Variants in ANKIB1 observed in about 807,000 individuals in gnomAD.
The protein encoded by ANKIB1 is ankyrin repeat and IBR domain containing 1.
In ANKIB1, 43 loss-of-function variants were observed where a neutral mutation model predicts 122.1. The observed-to-expected ratio is 0.35, with a 90% confidence interval of 0.28 to 0.45. ANKIB1 has a LOEUF of 0.45. Among genes scored for constraint, ANKIB1 ranks in the 20% least tolerant of loss-of-function variants. The probability of loss-of-function intolerance (pLI) is 1.00; values close to 1 mark genes in which losing one functional copy is unlikely to be tolerated. For synonymous variants in ANKIB1, 390 were observed against 442.0 expected, an observed-to-expected ratio of 0.88 and a Z score of 1.48; for missense variants, 992 against 1,329.5, an observed-to-expected ratio of 0.75 and a Z score of 3.95.
chr7:92,289,354 TGTA>T (rs901587506), intron 1 of ANKIB1, among the ~76,000 whole-genome samples: 7 of 152,318 alleles, frequency 4.6e-5, no homozygotes, highest in East Asian at 1.9e-4. Flanking sequence ...ACTCCATAAA[TGTA>T]GTGATTTTTA....
chr7:92,327,884 T>G lies in ANKIB1; in HGVS notation c.771T>G (p.Ala257=), dbSNP rs1803061020. ...AGGCTCCTCTCTTTACTGCTGAAGC[T>G]TTACTTCGAGCTCATGGTAATGAAA... is the stretch of plus-strand genomic sequence containing the variant. ...MLQAPLFTAE[A]LLRAHDWDRE... is the part of the protein sequence containing the mutation. Residue 257 remains alanine (A), a synonymous_variant, in exon 5 of 20, where the codon GCT becomes GCG. Coordinates refer to ENST00000265742, the MANE Select transcript of ANKIB1 (RefSeq NM_019004.2). 2.5e-6 allele frequency: 4 copies of G among 1,584,620 alleles called. No individual in the cohort carries two copies. Among genetic ancestry groups the G allele is most frequent in the Non-Finnish European group, 3.4e-6 (4 of 1,169,716 alleles).
At chr7:92,338,672 G>A (rs1213730079) in intron 5 of ANKIB1, among the ~76,000 whole-genome samples, 1 of 151,238 alleles carries the variant, frequency 6.6e-6, no homozygotes, top group Non-Finnish European at 1.5e-5. Flanking sequence ...AGCACTTTGG[G>A]AGGCCAAGGC....
chr7:92,342,414 A>C (rs1044007055), intron 5 of ANKIB1, among the ~76,000 whole-genome samples: 6 of 152,306 alleles, frequency 3.9e-5, no homozygotes, highest in Admixed American at 3.3e-4. Context: ...TTTACTTGGC[A>C]ATTTTTAAAA....
intron 11 of ANKIB1, among the ~76,000 whole-genome samples, chr7:92,378,035 G>A (rs1220517502): frequency 1.3e-5 from 2 of 152,134 alleles, no homozygotes; most frequent in Non-Finnish European, 2.9e-5. Flanking sequence ...ACTTAAAAGT[G>A]TGGATTATTC....
chr7:92,307,541 A>G lies in ANKIB1; in HGVS notation c.371A>G (p.Lys124Arg), dbSNP rs1802587905. 1.2e-6 allele frequency: 2 copies of G among 1,613,766 alleles called. No homozygotes were observed. The highest frequency in any genetic ancestry group is 2.7e-5 in the African/African-American group (2 of 74,926). The change falls in exon 3 of 20, where the codon AAA (lysine) becomes AGA (arginine). Residue 124 changes from lysine to arginine, a missense_variant. This residue lies in a region of ANKIB1 where 521 missense variants were observed against 777.7 expected (regional missense o/e 0.67). Coordinates refer to ENST00000265742, the MANE Select transcript of ANKIB1 (RefSeq NM_019004.2). ...TGTCTGCAGATGATCTTAAAATGGAAAGGAGCAAAACTTGACCAGGGTGAA... is the reference window on the plus strand; with the variant it reads ...TGTCTGCAGATGATCTTAAAATGGAGAGGAGCAAAACTTGACCAGGGTGAA... ...ADCLQMILKW[K>R]GAKLDQGEYE...
At chr7:92,337,661 T>A (rs1010386065) in intron 5 of ANKIB1, among the ~76,000 whole-genome samples, 4 of 152,198 alleles carry the variant, frequency 2.6e-5, no homozygotes, top group African/African-American at 9.6e-5. Flanking sequence ...CTTTCAGGAT[T>A]CTCTTTGTCA....
intron 1 of ANKIB1, among the ~76,000 whole-genome samples, chr7:92,265,697 C>G (rs1428203489): frequency 1.3e-5 from 2 of 152,134 alleles, no homozygotes; most frequent in Non-Finnish European, 2.9e-5. Flanking sequence ...AAGGTTTGGT[C>G]ATATTCATAG....
intron 9 of ANKIB1, among the ~76,000 whole-genome samples, chr7:92,353,142 T>A (rs1389082147): frequency 6.6e-6 from 1 of 152,216 alleles, no homozygotes; most frequent in African/African-American, 2.4e-5. Context: ...AAATTTTATC[T>A]TGGGCCCTAA....
At chr7:92,270,364 C>G (rs1801761468) in intron 1 of ANKIB1, among the ~76,000 whole-genome samples, 1 of 152,044 alleles carries the variant, frequency 6.6e-6, no homozygotes, top group African/African-American at 2.4e-5. Context: ...CACCTGGCCT[C>G]CAGTCATTTT....
At chr7:92,386,430 C>A in intron 11 of ANKIB1, 79 bp from the exon 12 acceptor site, 4 of 1,375,066 alleles carry the variant, frequency 2.9e-6, no homozygotes, top group Non-Finnish European at 2.9e-6. Flanking sequence ...TTAATCTTTA[C>A]AGATTGGTTG....
intron 1 of ANKIB1, among the ~76,000 whole-genome samples, chr7:92,256,401 A>T (rs1801446796): frequency 6.6e-6 from 1 of 152,248 alleles, no homozygotes; most frequent in African/African-American, 2.4e-5. Flanking sequence ...AGGGCCACCT[A>T]TTAAGGAGTT....
Position 92,246,286 on chromosome 7 carries a change from G to C in ANKIB1, c.-324G>C. 1 of 404,344 alleles carries C rather than the reference G, an allele frequency of 2.5e-6. No homozygotes were observed. The highest frequency in any genetic ancestry group is 4.8e-6 in the Non-Finnish European group (1 of 207,676). 25.0% of individuals were successfully genotyped at this position (404,344 alleles called of 1,614,324 possible). A position where few individuals can be genotyped will look rare whatever the true frequency, so the allele number is the denominator to read the frequency against. On this transcript the variant is annotated 5_prime_UTR_variant, in exon 1 of 20. Coordinates refer to ENST00000265742, the MANE Select transcript of ANKIB1 (RefSeq NM_019004.2). ...GCCCACCCAGTCTGAGCCTCGCCGC[G>C]GGCGCCTTCGGCTCACGCAGCGCTT...
intron 2 of ANKIB1, among the ~76,000 whole-genome samples, chr7:92,296,130 T>C (rs1314921435): frequency 6.6e-6 from 1 of 152,132 alleles, no homozygotes; most frequent in Non-Finnish European, 1.5e-5. Flanking sequence ...CTCCAAAACA[T>C]GCCGTGAGGT....
intron 11 of ANKIB1, among the ~76,000 whole-genome samples, chr7:92,380,222 C>T (rs540370199): frequency 1.3e-5 from 2 of 152,292 alleles, no homozygotes; most frequent in East Asian, 1.9e-4. Context: ...GTAAACAAAA[C>T]GGCTGGGAAG....
At chr7:92,270,986 C>A (rs1252674052) in intron 1 of ANKIB1, among the ~76,000 whole-genome samples, 1 of 151,702 alleles carries the variant, frequency 6.6e-6, no homozygotes, top group African/African-American at 2.4e-5. Flanking sequence ...CAATTTTTTT[C>A]TTTTATAGAT....
At chr7:92,325,574 T>G (rs138683885) in intron 4 of ANKIB1, among the ~76,000 whole-genome samples, 9 of 152,214 alleles carry the variant, frequency 5.9e-5, no homozygotes, top group Admixed American at 5.2e-4. Flanking sequence ...CCTGAACATC[T>G]AAACATCTTT....
Position 92,343,049 on chromosome 7 carries a change from A to C in ANKIB1, c.813A>C (p.Glu271Asp). The change falls in exon 6 of 20, where the codon GAA becomes GAC. Residue 271 changes from glutamate (E) to aspartate (D), a missense_variant. Glu to Asp is a conservative substitution (Grantham distance 45, BLOSUM62 2). Coordinates refer to ENST00000265742, the MANE Select transcript of ANKIB1 (RefSeq NM_019004.2). Reference protein sequence around the residue: ...AHDWDREKLLEAWMSNPENCC... With the variant: ...AHDWDREKLLDAWMSNPENCC... ...ACTGGGACAGGGAGAAATTACTTGAAGCTTGGATGTCCAACCCGGAGAACT... is the reference window on the plus strand; with the variant it reads ...ACTGGGACAGGGAGAAATTACTTGACGCTTGGATGTCCAACCCGGAGAACT... 1 of 1,613,918 alleles carries C rather than the reference A, an allele frequency of 6.2e-7. No individual in the cohort carries two copies. Among genetic ancestry groups the C allele is most frequent in the Non-Finnish European group, 8.5e-7 (1 of 1,179,852 alleles).
Position 92,398,711 on chromosome 7 carries a change from T to C in ANKIB1, c.3032T>C (p.Val1011Ala), listed in dbSNP as rs376613950. The change falls in exon 20 of 20, where the codon GTG becomes GCG. Residue 1011 changes from valine (V) to alanine (A), a missense_variant. By Grantham distance (64) the Val-to-Ala change is moderately conservative. Transcript: ENST00000265742. The stretch of plus-strand genomic sequence containing the variant: ...TGTATCAAAGATGGGTCAGAAGGTG[T>C]GAAGGATGTGGAACTGGTGCTGCCA... ...LPCIKDGSEG[V>A]KDVELVLPED... The C allele has an allele frequency of 3.9e-5, 63 of 1,613,446 alleles. No individual in the cohort carries two copies. The highest frequency in any genetic ancestry group is 5.3e-5 in the Non-Finnish European group (62 of 1,179,708).
chr7:92,365,256 G>C (rs1360737567), intron 10 of ANKIB1, among the ~76,000 whole-genome samples: 5 of 152,152 alleles, frequency 3.3e-5, no homozygotes, highest in Admixed American at 6.6e-5. Flanking sequence ...TAGGGGAGGG[G>C]AAGGACAAAG....
Sources: allele counts gnomAD v4.1 joint callset (sites outside exome capture counted in the v4.1 genomes callset), GRCh38; gene constraint gnomAD v4.1.1; regional missense constraint gnomAD v4.1.1; transcripts MANE v1.5; gene names NCBI Gene and HGNC (gene_info 2026-07-23, HGNC 2026-07-21).